The following CACNA1A variants were observed in gnomAD, a reference collection of about 807,000 sequenced individuals.
CACNA1A encodes the protein voltage-dependent P/Q-type calcium channel subunit alpha-1A.
A neutral mutation model predicts 262.4 loss-of-function variants in CACNA1A; 57 were observed. The ratio of observed to expected loss-of-function variants is 0.22; its 90% CI spans 0.18 to 0.27. The LOEUF is 0.27. Among genes scored for constraint, CACNA1A ranks in the 10% least tolerant of loss-of-function variants. CACNA1A has a pLI of 1.00. For synonymous variants in CACNA1A, 1,431 were observed against 1,419.3 expected (o/e 1.01, Z -0.18); for missense variants, 2,526 against 3,562.8 (o/e 0.71, Z 7.41).
At position 13,206,944 on chromosome 19, in the gene CACNA1A, G is replaced by GTTTTTTTTTTT. The variant is rs532268839; in HGVS notation, c.*358_*368dup. The GTTTTTTTTTTT allele has an allele frequency of 3.1e-5, 2 of 65,110 alleles. No individual in the cohort carries two copies. Among genetic ancestry groups the GTTTTTTTTTTT allele is most frequent in the Non-Finnish European group, 5.3e-5 (2 of 37,602 alleles). 4.0% of individuals were successfully genotyped at this position (65,110 alleles called of 1,614,324 possible). ...TCTCCCCGTTTTTTCTTTTAAAAAT[G>GTTTTTTTTTTT]TTTTTTTTTTTTTTTTTTTTTTTTT... On this transcript the variant is annotated 3_prime_UTR_variant, in exon 47 of 47. Transcript: ENST00000360228.
chr19:13,391,100 T>A (rs1294302499), intron 3 of CACNA1A, among the ~76,000 whole-genome samples: 1 of 152,148 alleles, frequency 6.6e-6, no homozygotes, highest in Non-Finnish European at 1.5e-5. Flanking sequence ...TTGACCAAGA[T>A]GGTCTCGATC....
At chr19:13,303,082 T>G (rs181898578) in intron 17 of CACNA1A, among the ~76,000 whole-genome samples, 1 of 152,110 alleles carries the variant, frequency 6.6e-6, no homozygotes, top group East Asian at 1.9e-4. Flanking sequence ...AGAGAGAAGG[T>G]GGGGACATTT....
chr19:13,276,006 T>C lies in CACNA1A; in HGVS notation c.3883-50A>G, dbSNP rs1328627876. ...CAGAACCCCCACCTGATCCCCACCC[T>C]GGGGTGCTGCCACCCACTCTCTAGC... is the stretch of plus-strand genomic sequence containing the variant. On this transcript the variant is annotated intron_variant, in intron 23 of 46. Coordinates refer to ENST00000360228, the MANE Select transcript of CACNA1A (RefSeq NM_001127222.2). 5.5e-6 allele frequency: 7 copies of C among 1,276,042 alleles called. No individual in the cohort carries two copies. The Admixed American group carries it at 1.1e-4, about 20-fold the overall frequency. The allele number at this position is 1,276,042 out of a possible 1,614,324, so 79.0% of individuals were successfully genotyped here.
At position 13,325,147 on chromosome 19, in the gene CACNA1A, TCTTCTTC is replaced by T. The variant is rs1237739379; in HGVS notation, c.1345+5090_1345+5096del. ...CCATTCCTCCTCCTCCTCCTCTTCT[TCTTCTTC>T]CTTCTTCCTTCTTCTTCTTTCCTCC... On this transcript the variant is annotated intron_variant, in intron 10 of 46. Transcript: ENST00000360228. 7.3e-4 allele frequency among the ~76,000 whole-genome samples: 108 copies of T among 148,458 alleles called. 1 individual carries two copies. Among genetic ancestry groups the T allele is most frequent in the African/African-American group, 2.5e-3 (101 of 40,356 alleles).
intron 3 of CACNA1A, among the ~76,000 whole-genome samples, chr19:13,393,553 T>C (rs1188436064): frequency 8.1e-6 from 1 of 122,866 alleles, no homozygotes; most frequent in African/African-American, 3.3e-5. Flanking sequence ...GCTGCAGCTG[T>C]TCCCTCCCTC....
intron 6 of CACNA1A, among the ~76,000 whole-genome samples, chr19:13,348,301 G>C (rs934355633): frequency 2.6e-5 from 4 of 152,142 alleles, no homozygotes; most frequent in Non-Finnish European, 5.9e-5. Flanking sequence ...GAGAGAAATA[G>C]AGAAGAAGAG....
intron 3 of CACNA1A, among the ~76,000 whole-genome samples, chr19:13,410,704 G>A (rs1377759459): frequency 6.6e-6 from 1 of 151,934 alleles, no homozygotes. Flanking sequence ...CACCTAAGCA[G>A]CTCTGGCTCA....
chr19:13,210,480 T>C (rs1222981011), intron 44 of CACNA1A, 137 bp downstream of exon 44: 2 of 686,454 alleles, frequency 2.9e-6, no homozygotes, highest in African/African-American at 2.1e-5. Flanking sequence ...TTGGGCTCCA[T>C]GGAGGGGAGA....
intron 6 of CACNA1A, among the ~76,000 whole-genome samples, chr19:13,347,910 T>A (rs904295289): frequency 6.6e-6 from 1 of 151,728 alleles, no homozygotes; most frequent in African/African-American, 2.4e-5. Flanking sequence ...TTTATTTATT[T>A]ATTTATTTTT....
Position 13,298,647 on chromosome 19 carries a change from GGCCCTCGCCCTC to G in CACNA1A, c.2974_2985del (p.Glu992_Gly995del), listed in dbSNP as rs764399373. On this transcript the variant is annotated inframe_deletion, in exon 19 of 47. Transcript: ENST00000360228. ...CTTCTCCTGCGCTCGCCCCCGTCGG[GGCCCTCGCCCTC>G]GCCCTCGCCGCCCCGGGCCGGCCGG... 4.6e-6 allele frequency: 7 copies of G among 1,517,446 alleles called. No homozygotes were observed. The highest frequency in any genetic ancestry group is 6.2e-6 in the Non-Finnish European group (7 of 1,132,766). 94.0% of individuals were successfully genotyped at this position (1,517,446 alleles called of 1,614,324 possible).
intron 10 of CACNA1A, among the ~76,000 whole-genome samples, chr19:13,329,781 G>A (rs1171456502): frequency 1.6e-5 from 2 of 122,068 alleles, no homozygotes; most frequent in African/African-American, 3.8e-5. Context: ...CTCAGTTTGT[G>A]TCTTTTTTTT....
intron 8 of CACNA1A, chr19:13,333,515 A>G (rs1302170750): frequency 1.3e-5 from 2 of 151,934 alleles, no homozygotes; most frequent in African/African-American, 4.9e-5. Context: ...GCTCACTGTA[A>G]CCTCTGCCTC....
chr19:13,234,090 C>T lies in CACNA1A; in HGVS notation c.5249+831G>A, dbSNP rs1216244876. ...AAGGGCTGGGCACGGTGGCTCACGC[C>T]TGTAATCCCAGCACTTTGGGAGGCC... On this transcript the variant is annotated intron_variant, in intron 34 of 46. Coordinates refer to ENST00000360228, the MANE Select transcript of CACNA1A (RefSeq NM_001127222.2). Among the ~76,000 whole-genome samples, 4 of 149,140 alleles carry T rather than the reference C, an allele frequency of 2.7e-5. No individual in the cohort carries two copies. The East Asian group carries it at 7.9e-4, about 30-fold the overall frequency.
intron 3 of CACNA1A, among the ~76,000 whole-genome samples, chr19:13,413,911 G>GAAAAGAAAAGA (rs1429238331): frequency 1.4e-4 from 14 of 100,242 alleles, no homozygotes; most frequent in Admixed American, 6.7e-4. Flanking sequence ...AAGAAAGAAA[G>GAAAAGAAAAGA]AAAGAAAGAA....
At chr19:13,239,561 G>A (rs2055999604) in intron 31 of CACNA1A, among the ~76,000 whole-genome samples, 1 of 152,206 alleles carries the variant, frequency 6.6e-6, no homozygotes, top group Non-Finnish European at 1.5e-5. Context: ...TGTTTGGTGG[G>A]TGAATGCATG....
intron 3 of CACNA1A, among the ~76,000 whole-genome samples, chr19:13,412,182 C>T (rs1023055892): frequency 6.6e-6 from 1 of 151,778 alleles, no homozygotes; most frequent in African/African-American, 2.4e-5. Flanking sequence ...CAAATGAGAT[C>T]CTTGTTTCCA....
intron 38 of CACNA1A, among the ~76,000 whole-genome samples, chr19:13,224,319 C>T (rs1212903359): frequency 1.3e-5 from 1 of 76,288 alleles, no homozygotes; most frequent in South Asian, 4.1e-4. Context: ...GGGAAATTGT[C>T]ACACCAAAAA....
rs1199588516 is a variant in CACNA1A, at chr19:13,206,457, T to TTTTA, written c.*852_*855dup. On this transcript the variant is annotated 3_prime_UTR_variant, in exon 47 of 47. Coordinates refer to ENST00000360228, the MANE Select transcript of CACNA1A (RefSeq NM_001127222.2). ...CCAAAAGCCCTTTGATTCAACTTTT[T>TTTTA]TTTATTTTTTTTTTCTTTTTGAATG... The TTTTA allele has an allele frequency of 1.3e-5, 2 of 152,194 alleles. No homozygotes were observed. Among genetic ancestry groups the TTTTA allele is most frequent in the East Asian group, 1.9e-4 (1 of 5,200 alleles). 9.4% of individuals were successfully genotyped at this position (152,194 alleles called of 1,614,324 possible).
Position 13,212,214 on chromosome 19 carries a change from G to A in CACNA1A, c.6192C>T (p.Ser2064=), listed in dbSNP as rs974692135. 1.4e-5 allele frequency: 23 copies of A among 1,612,970 alleles called. No individual in the cohort carries two copies. The highest frequency in any genetic ancestry group is 6.7e-5 in the Admixed American group (4 of 59,968). The stretch of plus-strand genomic sequence containing the variant: ...CTCTGCCCATCTCTCGCATCTCCAC[G>A]GACTGCGGAGCAGATGGCAAAGCCA... ...DMPNSQPNSQ[S]VEMREMGRDG... is the part of the protein sequence containing the mutation. The change falls in exon 43 of 47, where the codon TCC becomes TCT. Residue 2064 remains serine (S), a splice_region_variant and synonymous_variant. Coordinates refer to ENST00000360228, the MANE Select transcript of CACNA1A (RefSeq NM_001127222.2). This position sits in a 1 kb window ranked among gnomAD's most constrained non-coding sequence, Gnocchi z 5.6.
Sources: gnomAD v4.1 joint callset for allele counts (sites outside exome capture counted in the v4.1 genomes callset) on GRCh38, gnomAD v4.1.1 for gene constraint, Gnocchi (gnomAD v3.1) non-coding constraint, MANE v1.5 for transcripts, NCBI Gene and HGNC (gene_info 2026-07-23, HGNC 2026-07-21) for gene names.